The following PDE11A variants were observed in gnomAD, a reference collection of about 807,000 sequenced individuals.
PDE11A encodes phosphodiesterase 11A, also known as dual 3',5'-cyclic-AMP and -GMP phosphodiesterase 11A.
PDE11A carries 100 observed loss-of-function variants against 100.5 expected under a neutral mutation model. That is an observed-to-expected ratio of 1.00 (90% confidence interval 0.85 to 1.18). PDE11A has a LOEUF of 1.18. Ranked by LOEUF, PDE11A falls within the 50% of genes most tolerant of loss-of-function variation. PDE11A has a pLI of 0.00. For synonymous variants in PDE11A, 381 were observed against 420.8 expected (o/e 0.91, Z 1.16); for missense variants, 1,141 against 1,152.6 (o/e 0.99, Z 0.15).
chr2:178,055,530 G>A (rs2086889333), intron 1 of PDE11A, among the ~76,000 whole-genome samples: 1 of 152,008 alleles, frequency 6.6e-6, no homozygotes, highest in Admixed American at 6.6e-5. Flanking sequence ...AAAGTGCCAG[G>A]CTCAAAGTCA....
At chr2:177,871,810 A>G (rs1362777374) in intron 5 of PDE11A, among the ~76,000 whole-genome samples, 1 of 151,994 alleles carries the variant, frequency 6.6e-6, no homozygotes, top group African/African-American at 2.4e-5. Context: ...ACAGTGAACT[A>G]TGATTGCACC....
intron 9 of PDE11A, among the ~76,000 whole-genome samples, chr2:177,791,480 A>G (rs1282997387): frequency 6.6e-6 from 1 of 151,160 alleles, no homozygotes. Flanking sequence ...TGGCACATGT[A>G]TACATATGTA....
At chr2:177,875,730 A>G (rs1028535953) in intron 5 of PDE11A, 129 bp downstream of exon 5, 19 of 723,816 alleles carry the variant, frequency 2.6e-5, no homozygotes, top group Non-Finnish European at 4.0e-5. Context: ...CCTGAAATAC[A>G]GAAGAGTCAC....
At chr2:177,884,955 G>A (rs1257713302) in intron 4 of PDE11A, among the ~76,000 whole-genome samples, 2 of 152,142 alleles carry the variant, frequency 1.3e-5, no homozygotes, top group Non-Finnish European at 2.9e-5. Flanking sequence ...TTACTAAATG[G>A]TGATGGTTCT....
chr2:177,666,148 C>T (rs2080577072), intron 18 of PDE11A, among the ~76,000 whole-genome samples: 1 of 152,212 alleles, frequency 6.6e-6, no homozygotes, highest in African/African-American at 2.4e-5. Flanking sequence ...GCTTATCTTG[C>T]ACATTTCATA....
chr2:177,917,528 G>C (rs1264091076), intron 2 of PDE11A, among the ~76,000 whole-genome samples: 1 of 152,078 alleles, frequency 6.6e-6, no homozygotes, highest in Admixed American at 6.5e-5. Context: ...TAAAATGTAA[G>C]GTATAAATAT....
At chr2:177,631,512 AATATATATATATATAT>A in intron 19 of PDE11A, among the ~76,000 whole-genome samples, 24 of 10,778 alleles carry the variant, frequency 2.2e-3, no homozygotes, top group Admixed American at 3.9e-3. Context: ...AAAAAAAAAA[AATATATATATATATAT>A]ATATATATAT....
intron 10 of PDE11A, among the ~76,000 whole-genome samples, chr2:177,753,166 T>C (rs1301556558): frequency 2.0e-5 from 3 of 152,198 alleles, no homozygotes; most frequent in Non-Finnish European, 4.4e-5. Context: ...AGTTTAACTG[T>C]TTGTTGTCAT....
chr2:177,691,550 A>G (rs16865604), intron 15 of PDE11A, among the ~76,000 whole-genome samples: 14,328 of 152,214 alleles, frequency 0.094, 2,236 homozygotes, highest in African/African-American at 0.32. Flanking sequence ...GGACTGCTAT[A>G]TAACTGCAGA....
In PDE11A at chr2:177,629,432, ATAACACTGGCAG is replaced by A. The variant is rs2079882803; in HGVS notation, c.2765_2776del (p.Pro922_Met926delinsLeu). 1 of 1,579,206 alleles carries A rather than the reference ATAACACTGGCAG, an allele frequency of 6.3e-7. No homozygotes were observed. The highest frequency in any genetic ancestry group is 1.1e-5 in the South Asian group (1 of 89,566). On this transcript the variant is annotated inframe_deletion, in exon 20 of 20. Transcript: ENST00000286063. ...TTAGTTCCTGTCTTCCTTGGCTACC[ATAACACTGGCAG>A]GGGAGGATGAGGCAGTTGAGGCCAG...
At chr2:178,103,926 T>C (rs1027969613) in intron 2 of PDE11A, among the ~76,000 whole-genome samples, 1 of 152,146 alleles carries the variant, frequency 6.6e-6, no homozygotes, top group African/African-American at 2.4e-5. Context: ...ATGCTGAATA[T>C]ACGCTTCAAA....
At chr2:177,928,104 CAA>C (rs59085357) in intron 2 of PDE11A, among the ~76,000 whole-genome samples, 38 of 56,422 alleles carry the variant, frequency 6.7e-4, no homozygotes, top group South Asian at 1.4e-3. Context: ...AACTCCATCT[CAA>C]AAAAAAAAAA....
chr2:177,692,534 G>A (rs942904536), intron 15 of PDE11A, among the ~76,000 whole-genome samples: 7 of 152,110 alleles, frequency 4.6e-5, no homozygotes, highest in East Asian at 1.9e-4. Context: ...AGAGAGATCC[G>A]ACTCTCAAAG....
chr2:177,757,176 T>C (rs1171416640), intron 10 of PDE11A, among the ~76,000 whole-genome samples: 2 of 152,206 alleles, frequency 1.3e-5, no homozygotes, highest in Non-Finnish European at 2.9e-5. Flanking sequence ...AATAAATTAA[T>C]ACAGGTAAGG....
At chr2:177,702,670 A>G (rs1419982767) in intron 13 of PDE11A, 4 of 152,146 alleles carry the variant, frequency 2.6e-5, no homozygotes, top group Non-Finnish European at 4.4e-5. Flanking sequence ...TCGGTTCAAG[A>G]ATACAAGTGA....
At chr2:177,649,525 G>C (rs2080278304) in intron 19 of PDE11A, among the ~76,000 whole-genome samples, 1 of 152,096 alleles carries the variant, frequency 6.6e-6, no homozygotes, top group South Asian at 2.1e-4. Context: ...ATATGGAGCA[G>C]GATATACACT....
In PDE11A at chr2:177,780,727, A is replaced by G. The variant is rs540076878; in HGVS notation, c.1738-11354T>C. On this transcript the variant is annotated intron_variant, in intron 9 of 19. Coordinates refer to ENST00000286063, the MANE Select transcript of PDE11A (RefSeq NM_016953.4). ...GAGATGGCTTCTTCCCTTAAAGTTC[A>G]TGAATCTCTGCTAGCTTCAAACTTT... is the stretch of plus-strand genomic sequence containing the variant. 9.2e-5 allele frequency among the ~76,000 whole-genome samples: 14 copies of G among 152,334 alleles called. No homozygotes were observed. In the South Asian group the frequency reaches 2.7e-3, roughly 29 times the overall value.
intron 3 of PDE11A, among the ~76,000 whole-genome samples, chr2:177,901,644 C>G (rs529350007): frequency 6.6e-6 from 1 of 152,252 alleles, no homozygotes; most frequent in South Asian, 2.1e-4. Flanking sequence ...TGATATTTGG[C>G]ATTTGGACAG....
At chr2:177,951,598 G>A (rs1462144251) in intron 2 of PDE11A, among the ~76,000 whole-genome samples, 1 of 152,156 alleles carries the variant, frequency 6.6e-6, no homozygotes, top group East Asian at 1.9e-4. Context: ...AGTAATAGTG[G>A]TAATGAGAGT....
Sources: gnomAD v4.1 joint callset for allele counts (sites outside exome capture counted in the v4.1 genomes callset) on GRCh38, gnomAD v4.1.1 for gene constraint, MANE v1.5 for transcripts, NCBI Gene and HGNC (gene_info 2026-07-23, HGNC 2026-07-21) for gene names.